HTT: variants seen among roughly 807,000 people sequenced by gnomAD.
The protein encoded by HTT is huntingtin, also known as huntington disease protein.
Under a neutral mutation model 362.3 loss-of-function variants are expected in HTT, and 104 were observed. That is an observed-to-expected ratio of 0.29 (90% CI 0.24 to 0.34). The LOEUF is 0.34. Ranked by LOEUF, HTT falls within the 10% of genes least tolerant of loss-of-function variation. The pLI is 1.00. For synonymous variants in HTT, 1,577 were observed against 1,548.7 expected, an observed-to-expected ratio of 1.02 and a Z score of -0.43; for missense variants, 3,301 against 3,928.6, an observed-to-expected ratio of 0.84 and a Z score of 4.27.
In HTT at chr4:3,145,062, G is replaced by T. The variant is rs893666163; in HGVS notation, c.3067-90G>T. ...CACAGATCTCAGTTTTCTTCTCATT[G>T]TTTGTACTTTTTATAAAGGGTAACA... On this transcript the variant is annotated intron_variant, in intron 23 of 66. Coordinates refer to ENST00000355072, the MANE Select transcript of HTT (RefSeq NM_001388492.1). 9 of 990,326 alleles carry T rather than the reference G, an allele frequency of 9.1e-6. No homozygotes were observed. In the African/African-American group the frequency reaches 1.3e-4, roughly 14 times the overall value. The allele number at this position is 990,326 out of a possible 1,614,324, so 61.3% of individuals were successfully genotyped here.
chr4:3,107,730 G>T (rs994504837), intron 6 of HTT, among the ~76,000 whole-genome samples: 22 of 152,232 alleles, frequency 1.4e-4, no homozygotes, highest in African/African-American at 4.6e-4. Context: ...GCTGCGGGAA[G>T]ATGACTGTGC....
In HTT at chr4:3,176,926, A is replaced by G. The variant is rs1227961869; in HGVS notation, c.4408-406A>G. 1.3e-5 allele frequency among the ~76,000 whole-genome samples: 2 copies of G among 152,218 alleles called. 1 individual carries two copies. Among genetic ancestry groups the G allele is most frequent in the South Asian group, 4.1e-4 (2 of 4,832 alleles). On this transcript the variant is annotated intron_variant, in intron 33 of 66. Coordinates refer to ENST00000355072, the MANE Select transcript of HTT (RefSeq NM_001388492.1). ...TGTGACACAAAACTGGCTCCCATGC[A>G]GCCCTTACGTGTCGCCTCTCAGATG...
chr4:3,083,574 CACACACACACACATAT>C (rs1327040049), intron 1 of HTT, among the ~76,000 whole-genome samples: 3 of 140,592 alleles, frequency 2.1e-5, no homozygotes, highest in Admixed American at 2.1e-4. Context: ...CACACACACA[CACACACACACACATAT>C]ATATGTATAT....
Position 3,087,481 on chromosome 4 carries a change from G to A in HTT, c.347+459G>A, listed in dbSNP as rs1487912793. ...CTGTGCTTCGGGATTAGTGGGGATC[G>A]TGGGGCATTGACTGTAGGTCAGCTT... On this transcript the variant is annotated intron_variant, in intron 2 of 66. Coordinates refer to ENST00000355072, the MANE Select transcript of HTT (RefSeq NM_001388492.1). Among the ~76,000 whole-genome samples, 9 of 152,220 alleles carry A rather than the reference G, an allele frequency of 5.9e-5. No homozygotes were observed. In the East Asian group the frequency reaches 7.7e-4, roughly 13 times the overall value.
intron 8 of HTT, among the ~76,000 whole-genome samples, chr4:3,119,931 A>AT (rs1236944839): frequency 6.6e-6 from 1 of 152,196 alleles, no homozygotes; most frequent in African/African-American, 2.4e-5. Context: ...AGTCTGTGGC[A>AT]GCTACTCAAC....
intron 46 of HTT, 82 bp downstream of exon 46, chr4:3,208,993 G>A: frequency 7.0e-7 from 1 of 1,430,578 alleles, no homozygotes; most frequent in Non-Finnish European, 9.3e-7. Flanking sequence ...GAGTGCAGAG[G>A]AGGTGCCGTG....
intron 61 of HTT, among the ~76,000 whole-genome samples, chr4:3,234,067 G>T (rs1721400194): frequency 6.6e-6 from 1 of 152,262 alleles, no homozygotes; most frequent in Admixed American, 6.5e-5. Flanking sequence ...AAGATGGGAA[G>T]GGGTCTGGGA....
intron 56 of HTT, 117 bp downstream of exon 56, chr4:3,224,248 T>G: frequency 9.3e-7 from 1 of 1,076,958 alleles, no homozygotes. Context: ...AGTTGGAGGC[T>G]GTGGTGCTAA....
chr4:3,233,471 G>A (rs1721359743), intron 61 of HTT, 118 bp downstream of exon 61: 9 of 1,024,620 alleles, frequency 8.8e-6, no homozygotes, highest in Non-Finnish European at 1.3e-5. Flanking sequence ...GGTATCAGTG[G>A]GAACCCAGGT....
Position 3,132,856 on chromosome 4 carries a change from A to G in HTT, c.2438A>G (p.Lys813Arg). 5 of 1,614,224 alleles carry G rather than the reference A, an allele frequency of 3.1e-6. No individual in the cohort carries two copies. The highest frequency in any genetic ancestry group is 4.2e-6 in the Non-Finnish European group (5 of 1,180,012). Residue 813 changes from lysine to arginine, a missense_variant, in exon 18 of 67, where the codon AAA (lysine) becomes AGA (arginine). This residue lies in a region of HTT where 2,316 missense variants were observed against 2,658.5 expected (regional missense o/e 0.87). Coordinates refer to ENST00000355072, the MANE Select transcript of HTT (RefSeq NM_001388492.1). ...SLADCIPLLR[K>R]TLKDESSVTC... ...GCGGATTGCATTCCTTTGCTGCGGA[A>G]AACACTGAAGGATGAGTCTTCTGTT...
chr4:3,110,681 G>A (rs114731367), intron 6 of HTT, among the ~76,000 whole-genome samples: 233 of 152,322 alleles, frequency 1.5e-3, no homozygotes, highest in African/African-American at 5.2e-3. Flanking sequence ...GAAATGCAAA[G>A]TCTTTGCCCT....
At position 3,127,229 on chromosome 4, in the gene HTT, C is replaced by A. The variant is rs376837591; in HGVS notation, c.1403-35C>A. ...TGATTCCCTATTGAATGTTTTCTCTCGCCATTTGACAAATGAGTGTTTCTC... is the reference window on the plus strand; with the variant it reads ...TGATTCCCTATTGAATGTTTTCTCTAGCCATTTGACAAATGAGTGTTTCTC... On this transcript the variant is annotated intron_variant, in intron 11 of 66. Transcript: ENST00000355072. The A allele has an allele frequency of 8.0e-6, 12 of 1,498,278 alleles. No individual in the cohort carries two copies. The African/African-American group carries it at 1.2e-4, about 15-fold the overall frequency. The allele number at this position is 1,498,278 out of a possible 1,614,324, so 92.8% of individuals were successfully genotyped here.
At position 3,121,653 on chromosome 4, in the gene HTT, A is replaced by G. The variant is rs1715303289; in HGVS notation, c.1273+221A>G. 9.3e-6 allele frequency: 3 copies of G among 320,938 alleles called. No homozygotes were observed. The Admixed American group carries it at 1.4e-4, about 15-fold the overall frequency. The allele number at this position is 320,938 out of a possible 1,614,324, so 19.9% of individuals were successfully genotyped here. A position where few individuals can be genotyped will look rare whatever the true frequency, so the allele number is the denominator to read the frequency against. On this transcript the variant is annotated intron_variant, in intron 9 of 66. Transcript: ENST00000355072. ...CACTTTGGAAGGATCGCTTCAGCCCAGGAGTTTGAGACAACCTGGCCAAGT... is the reference window on the plus strand; with the variant it reads ...CACTTTGGAAGGATCGCTTCAGCCCGGGAGTTTGAGACAACCTGGCCAAGT...
chr4:3,139,667 G>A (rs184285582), intron 21 of HTT, among the ~76,000 whole-genome samples: 6 of 152,280 alleles, frequency 3.9e-5, no homozygotes, highest in Non-Finnish European at 8.8e-5. Context: ...TTTTGTTTTT[G>A]TAGGAAAATG....
chr4:3,162,618 T>C (rs1367719642), intron 29 of HTT, among the ~76,000 whole-genome samples: 1 of 152,208 alleles, frequency 6.6e-6, no homozygotes, highest in Non-Finnish European at 1.5e-5. Flanking sequence ...TGGTTTGTAG[T>C]TCTCCTTGAA....
chr4:3,217,278 G>A (rs1228755218), intron 51 of HTT, among the ~76,000 whole-genome samples: 1 of 152,172 alleles, frequency 6.6e-6, no homozygotes, highest in African/African-American at 2.4e-5. Context: ...TGCCTTGGGA[G>A]TTTCCATGCC....
intron 54 of HTT, among the ~76,000 whole-genome samples, chr4:3,223,163 T>G (rs1214430281): frequency 1.3e-5 from 2 of 152,374 alleles, no homozygotes; most frequent in East Asian, 1.9e-4. Flanking sequence ...AATTCATGTT[T>G]GGAGTTTTGT....
chr4:3,214,922 T>C (rs138762073), intron 50 of HTT, among the ~76,000 whole-genome samples, 188 bp from the exon 51 acceptor site: 22 of 152,354 alleles, frequency 1.4e-4, no homozygotes, highest in Middle Eastern at 3.4e-3. Context: ...TTCAGACATA[T>C]ACCACTAACC....
intron 1 of HTT, among the ~76,000 whole-genome samples, chr4:3,077,924 C>T (rs1712651697): frequency 6.6e-6 from 1 of 152,088 alleles, no homozygotes; most frequent in Admixed American, 6.5e-5. Flanking sequence ...GTGCTTCAGC[C>T]AAAAAATCCT....
Sources: gnomAD v4.1 joint callset for allele counts (sites outside exome capture counted in the v4.1 genomes callset) on GRCh38, gnomAD v4.1.1 for gene constraint, gnomAD v4.1.1 regional missense constraint, MANE v1.5 for transcripts, NCBI Gene and HGNC (gene_info 2026-07-23, HGNC 2026-07-21) for gene names.